The following ARHGEF28 variants were observed in gnomAD, a reference collection of about 807,000 sequenced individuals.
The protein encoded by ARHGEF28 is Rho guanine nucleotide exchange factor 28.
Under a neutral mutation model 206.6 loss-of-function variants are expected in ARHGEF28, and 152 were observed. The ratio of observed to expected loss-of-function variants is 0.74; its 90% CI spans 0.64 to 0.84. The LOEUF (loss-of-function observed/expected upper bound fraction) is 0.84. ARHGEF28 is among the 40% of genes least tolerant of loss of function. ARHGEF28 has a pLI of 0.00. For missense variants in ARHGEF28, 2,028 were observed against 2,073.2 expected, an observed-to-expected ratio of 0.98 and a Z score of 0.42; for synonymous variants, 763 against 776.4, an observed-to-expected ratio of 0.98 and a Z score of 0.29.
chr5:73,862,472 A>G (rs555534098), intron 16 of ARHGEF28, among the ~76,000 whole-genome samples: 1 of 152,284 alleles, frequency 6.6e-6, no homozygotes, highest in African/African-American at 2.4e-5. Flanking sequence ...ATTTAATTTT[A>G]CTGCTACCAA....
At chr5:73,853,538 T>A (rs978908754) in intron 14 of ARHGEF28, among the ~76,000 whole-genome samples, 2 of 152,222 alleles carry the variant, frequency 1.3e-5, no homozygotes, top group Admixed American at 1.3e-4. Flanking sequence ...CTCCTTTGGA[T>A]CATTTCTATT....
chr5:73,840,859 CT>C, intron 11 of ARHGEF28, 99 bp downstream of exon 11: 1 of 1,285,520 alleles, frequency 7.8e-7, no homozygotes, highest in Non-Finnish European at 1.0e-6. Flanking sequence ...GTCTCTACCA[CT>C]TTTATTTGCC....
chr5:73,813,929 A>G (rs1010619275), intron 9 of ARHGEF28, among the ~76,000 whole-genome samples: 7 of 150,986 alleles, frequency 4.6e-5, no homozygotes, highest in African/African-American at 1.5e-4. Context: ...AAAAAAAAAG[A>G]AGGGAGTTTA....
At chr5:73,811,906 C>T (rs1755858780) in intron 9 of ARHGEF28, among the ~76,000 whole-genome samples, 1 of 150,846 alleles carries the variant, frequency 6.6e-6, no homozygotes, top group South Asian at 2.1e-4. Flanking sequence ...TTGCTTGAAC[C>T]CAGGAGGCAG....
chr5:73,718,093 A>G (rs1273122346), intron 2 of ARHGEF28, among the ~76,000 whole-genome samples: 1 of 152,104 alleles, frequency 6.6e-6, no homozygotes, highest in Non-Finnish European at 1.5e-5. Flanking sequence ...GCTGGTCTCG[A>G]ATTCCTGACC....
In ARHGEF28 at chr5:73,864,345, G is replaced by A. The variant is rs142577810; in HGVS notation, c.2048-472G>A. ...GACTACCTGAAACTTGTGGTTAGTAGGAATTCTTGCCAAGACCTCACAATA... is the reference window on the plus strand; with the variant it reads ...GACTACCTGAAACTTGTGGTTAGTAAGAATTCTTGCCAAGACCTCACAATA... On this transcript the variant is annotated intron_variant, in intron 16 of 35. Coordinates refer to ENST00000513042, the MANE Select transcript of ARHGEF28 (RefSeq NM_001177693.2). 2.2e-4 allele frequency among the ~76,000 whole-genome samples: 34 copies of A among 152,286 alleles called. No homozygotes were observed. In the East Asian group the frequency reaches 6.4e-3, roughly 29 times the overall value.
At chr5:73,762,178 G>A (rs967303996) in intron 4 of ARHGEF28, among the ~76,000 whole-genome samples, 2 of 152,026 alleles carry the variant, frequency 1.3e-5, no homozygotes, top group South Asian at 4.2e-4. Flanking sequence ...TTTTGAGGCT[G>A]AGTGTGGTGG....
At chr5:73,805,930 T>C (rs1200699420) in intron 9 of ARHGEF28, among the ~76,000 whole-genome samples, 6 of 152,054 alleles carry the variant, frequency 3.9e-5, no homozygotes, top group Non-Finnish European at 7.4e-5. Flanking sequence ...TTCAGATCTA[T>C]GGAATTTATA....
intron 3 of ARHGEF28, among the ~76,000 whole-genome samples, chr5:73,750,981 A>G (rs2112399174): frequency 6.6e-6 from 1 of 152,378 alleles, no homozygotes; most frequent in South Asian, 2.1e-4. Context: ...AGAGAAGTGC[A>G]GATACCTCTT....
At chr5:73,895,954 A>G (rs1761939451) in intron 29 of ARHGEF28, among the ~76,000 whole-genome samples, 1 of 152,184 alleles carries the variant, frequency 6.6e-6, no homozygotes, top group African/African-American at 2.4e-5. Context: ...AGAGGTCTGA[A>G]GTAGGGTTCA....
intron 5 of ARHGEF28, 146 bp downstream of exon 5, chr5:73,774,184 G>A (rs1424417663): frequency 3.2e-6 from 2 of 624,066 alleles, no homozygotes; most frequent in Non-Finnish European, 4.9e-6. Context: ...CATATAAACA[G>A]ATATACTGGG....
intron 1 of ARHGEF28, among the ~76,000 whole-genome samples, chr5:73,639,737 G>C (rs1743950898): frequency 6.6e-6 from 1 of 152,158 alleles, no homozygotes; most frequent in Non-Finnish European, 1.5e-5. Context: ...TAACTATAGT[G>C]TATCCCATGT....
At chr5:73,873,591 A>G (rs1391429422) in intron 22 of ARHGEF28, among the ~76,000 whole-genome samples, 1 of 152,226 alleles carries the variant, frequency 6.6e-6, no homozygotes, top group Non-Finnish European at 1.5e-5. Context: ...CAGTTGCTTT[A>G]GCATGGCTTT....
intron 4 of ARHGEF28, among the ~76,000 whole-genome samples, chr5:73,772,963 G>A (rs2112445550): frequency 6.6e-6 from 1 of 152,326 alleles, no homozygotes; most frequent in Admixed American, 6.5e-5. Flanking sequence ...CTGTGGAGAA[G>A]TAGGTCATTT....
Position 73,895,600 on chromosome 5 carries a change from T to C in ARHGEF28, c.3841+1025T>C, listed in dbSNP as rs190916348. ...ATAAACCAGCCACCTCCTGAGAGAG[T>C]AGCAGGAAATGCTGTTGTACAGAAG... On this transcript the variant is annotated intron_variant, in intron 29 of 35. Coordinates refer to ENST00000513042, the MANE Select transcript of ARHGEF28 (RefSeq NM_001177693.2). Among the ~76,000 whole-genome samples, 156 of 152,164 alleles carry C rather than the reference T, an allele frequency of 1.0e-3. 2 individuals are homozygous for C. The highest frequency in any genetic ancestry group is 7.6e-3 in the Admixed American group (117 of 15,302).
At position 73,671,694 on chromosome 5, in the gene ARHGEF28, TTATATATATATATATA is replaced by T. The variant is rs1182569252; in HGVS notation, c.-11-13117_-11-13102del. Among the ~76,000 whole-genome samples the T allele has an allele frequency of 6.3e-4, 48 of 76,106 alleles. No individual in the cohort carries two copies. The South Asian group carries it at 7.7e-3, about 12-fold the overall frequency. The allele number at this position is 76,106 out of a possible 152,430, so 49.9% of individuals were successfully genotyped here. A position where few individuals can be genotyped will look rare whatever the true frequency, so the allele number is the denominator to read the frequency against. ...TCAGCTGGGTTTTCATTGAACTTGA[TTATATATATATATATA>T]TATATATATATATATATATATATAT... On this transcript the variant is annotated intron_variant, in intron 1 of 35. Coordinates refer to ENST00000513042, the MANE Select transcript of ARHGEF28 (RefSeq NM_001177693.2).
chr5:73,806,356 T>C (rs1327917091), intron 9 of ARHGEF28, among the ~76,000 whole-genome samples: 1 of 105,498 alleles, frequency 9.5e-6, no homozygotes, highest in Non-Finnish European at 1.8e-5. Context: ...GTAGATATAC[T>C]ATCTATCTAT....
At chr5:73,630,115 T>C (rs945141864) in intron 1 of ARHGEF28, among the ~76,000 whole-genome samples, 5 of 152,236 alleles carry the variant, frequency 3.3e-5, no homozygotes, top group South Asian at 2.1e-4. Flanking sequence ...ACTTGAAATG[T>C]TAATATGCTT....
At chr5:73,760,320 G>A (rs1752537922) in intron 4 of ARHGEF28, among the ~76,000 whole-genome samples, 1 of 149,788 alleles carries the variant, frequency 6.7e-6, no homozygotes, top group Non-Finnish European at 1.5e-5. Flanking sequence ...TTTTTTTTAA[G>A]TTTTGAAATC....
Sources: allele counts gnomAD v4.1 joint callset (sites outside exome capture counted in the v4.1 genomes callset), GRCh38; gene constraint gnomAD v4.1.1; transcripts MANE v1.5; gene names NCBI Gene and HGNC (gene_info 2026-07-23, HGNC 2026-07-21).